Variants in PYGL observed in about 807,000 individuals in gnomAD.
PYGL encodes the protein glycogen phosphorylase L, also known as glycogen phosphorylase, liver form.
PYGL carries 90 observed loss-of-function variants against 100.1 expected under a neutral mutation model. The observed-to-expected ratio is 0.90, with a 90% CI of 0.76 to 1.07. PYGL has a LOEUF of 1.07. Among genes scored for constraint, PYGL ranks in the 50% least tolerant of loss-of-function variants. PYGL has a pLI of 0.00. For missense variants in PYGL, 1,016 were observed against 1,057.6 expected (o/e 0.96, Z 0.55); for synonymous variants, 373 against 393.0 (o/e 0.95, Z 0.60).
At position 50,934,409 on chromosome 14, in the gene PYGL, T is replaced by C. The variant is rs80355854; in HGVS notation, c.424+698A>G. ...AGGTCATGCCACACAAGGATGTGAA[T>C]TGAGAAGCTTTGAACAAATAATAGT... On this transcript the variant is annotated intron_variant, in intron 3 of 19. Coordinates refer to ENST00000216392, the MANE Select transcript of PYGL (RefSeq NM_002863.5). Among the ~76,000 whole-genome samples, 642 of 152,208 alleles carry C rather than the reference T, an allele frequency of 4.2e-3. 7 individuals carry two copies. Among genetic ancestry groups the C allele is most frequent in the African/African-American group, 0.014 (561 of 41,534 alleles).
intron 3 of PYGL, among the ~76,000 whole-genome samples, chr14:50,932,058 T>C (rs1195345389): frequency 6.6e-6 from 1 of 152,208 alleles, no homozygotes; most frequent in Non-Finnish European, 1.5e-5. Flanking sequence ...TGTGTACATT[T>C]TGTTTGAGAA....
intron 3 of PYGL, among the ~76,000 whole-genome samples, chr14:50,932,547 T>A (rs757754966): frequency 5.3e-5 from 8 of 152,210 alleles, no homozygotes; most frequent in Non-Finnish European, 1.0e-4. Flanking sequence ...CCTGCTATAC[T>A]CCTGCTGCTG....
intron 11 of PYGL, chr14:50,915,101 G>T: frequency 3.1e-6 from 2 of 637,412 alleles, no homozygotes; most frequent in South Asian, 4.0e-5. Flanking sequence ...TATTTTGTTT[G>T]TTTGTTTGTT....
chr14:50,923,896 G>A, intron 5 of PYGL, 73 bp downstream of exon 5: 2 of 1,477,338 alleles, frequency 1.4e-6, no homozygotes, highest in Non-Finnish European at 1.9e-6. Flanking sequence ...ACCACTATAT[G>A]CTACATAGTC....
chr14:50,920,817 T>C, intron 6 of PYGL, 139 bp downstream of exon 6: 1 of 1,024,826 alleles, frequency 9.8e-7, no homozygotes, highest in Admixed American at 2.0e-5. Context: ...ACTTCCTCCA[T>C]ACAATGCCTG....
At chr14:50,908,743 T>C (rs900162639) in intron 18 of PYGL, 78 bp downstream of exon 18, 25 of 1,510,900 alleles carry the variant, frequency 1.7e-5, no homozygotes, top group Non-Finnish European at 2.2e-5. Context: ...TTCTTGTTGG[T>C]TTTAGAGTTG....
chr14:50,914,890 G>GT (rs2050431556), intron 11 of PYGL, 75 bp from the exon 12 acceptor site: 1 of 1,162,648 alleles, frequency 8.6e-7, no homozygotes. Flanking sequence ...AAAGTTCGGA[G>GT]TTATATTCAA....
chr14:50,912,868 C>T (rs534586546), intron 13 of PYGL, 161 bp downstream of exon 13: 9 of 631,524 alleles, frequency 1.4e-5, no homozygotes, highest in East Asian at 3.1e-5. Flanking sequence ...GCGGGATAAT[C>T]GCTTGAACCT....
At chr14:50,920,517 A>G in intron 7 of PYGL, 24 bp downstream of exon 7, 10 of 1,585,254 alleles carry the variant, frequency 6.3e-6, no homozygotes, top group Non-Finnish European at 6.9e-6. Context: ...TGTTGCCACT[A>G]AGAAAGCAAC....
At position 50,924,391 on chromosome 14, in the gene PYGL, G is replaced by T. The variant is rs146131905; in HGVS notation, c.529-291C>A. On this transcript the variant is annotated intron_variant, in intron 4 of 19. Transcript: ENST00000216392. ...AAGATCTCAAGGTCAAACAGTAAAC[G>T]ATAGAGATAAGATCTGCCCTTAGGT... Among the ~76,000 whole-genome samples, 3 of 152,292 alleles carry T rather than the reference G, an allele frequency of 2.0e-5. No homozygotes were observed. In the South Asian group the frequency reaches 6.2e-4, roughly 32 times the overall value.
intron 2 of PYGL, among the ~76,000 whole-genome samples, chr14:50,935,836 T>C (rs1230169380): frequency 2.0e-5 from 3 of 152,240 alleles, no homozygotes; most frequent in African/African-American, 7.2e-5. Context: ...CCTGGAGACC[T>C]GGGTCCTGAC....
Position 50,912,385 on chromosome 14 carries a change from G to T in PYGL, c.1621-82C>A, listed in dbSNP as rs376262858. On this transcript the variant is annotated intron_variant, in intron 13 of 19. Transcript: ENST00000216392. ...TGGTTTTTCTTTTTTTTGAGACGGA[G>T]TCTCACTCTTTTGCCCAGGCTGGAG... The T allele has an allele frequency of 4.4e-5, 68 of 1,530,484 alleles. No individual in the cohort carries two copies. In the African/African-American group the frequency reaches 8.2e-4, roughly 18 times the overall value. The allele number at this position is 1,530,484 out of a possible 1,614,324, so 94.8% of individuals were successfully genotyped here.
intron 4 of PYGL, 60 bp downstream of exon 4, chr14:50,931,613 C>T (rs2050601321): frequency 7.0e-7 from 1 of 1,429,408 alleles, no homozygotes; most frequent in Non-Finnish European, 9.9e-7. Flanking sequence ...TATAAATCAT[C>T]CAGAGCACCA....
intron 1 of PYGL, among the ~76,000 whole-genome samples, chr14:50,938,743 C>G (rs2050678061): frequency 6.6e-6 from 1 of 152,156 alleles, no homozygotes; most frequent in African/African-American, 2.4e-5. Flanking sequence ...AGAAAAAAAG[C>G]AAACTCATCT....
chr14:50,912,568 C>T (rs557328638), intron 13 of PYGL, among the ~76,000 whole-genome samples: 3 of 152,238 alleles, frequency 2.0e-5, no homozygotes, highest in Admixed American at 6.5e-5. Flanking sequence ...GTCTTGAATG[C>T]CTGACCTCAG....
rs780227240 is a variant in PYGL at position 50,910,069 on chromosome 14, G to A, written c.2003C>T (p.Ser668Phe). 8 of 1,614,138 alleles carry A rather than the reference G, an allele frequency of 5.0e-6. No individual in the cohort carries two copies. In the Admixed American group the frequency reaches 1.0e-4, roughly 20 times the overall value. ...CCCCGAGGCTTCGGTGCCTGCAGTGGAAATCTGCTCTGACAGATCTGTGGC... is the reference window on the plus strand; with the variant it reads ...CCCCGAGGCTTCGGTGCCTGCAGTGAAAATCTGCTCTGACAGATCTGTGGC... The part of the protein sequence containing the change: ...IPATDLSEQI[S>F]TAGTEASGTG... The change falls in exon 17 of 20, where the codon TCC becomes TTC. Residue 668 changes from serine (S) to phenylalanine (F), a missense_variant. Physicochemically the swap from Ser to Phe is radical, Grantham distance 155. Transcript: ENST00000216392.
chr14:50,931,537 A>G (rs2050600721), intron 4 of PYGL, 136 bp downstream of exon 4: 1 of 767,070 alleles, frequency 1.3e-6, no homozygotes, highest in Non-Finnish European at 2.2e-6. Flanking sequence ...ATGGATAGAT[A>G]GAACTCACTG....
At chr14:50,908,113 G>A (rs1303010668) in intron 19 of PYGL, 158 bp downstream of exon 19, 13 of 463,414 alleles carry the variant, frequency 2.8e-5, no homozygotes, top group South Asian at 7.5e-5. Context: ...TTTTTTTTTT[G>A]TTGTGGTTGT....
At chr14:50,912,922 C>A in intron 13 of PYGL, 107 bp downstream of exon 13, 4 of 1,054,624 alleles carry the variant, frequency 3.8e-6, no homozygotes, top group East Asian at 2.7e-5. Context: ...CCACTGCACT[C>A]CAGCCTGGGC....
Sources: gnomAD v4.1 joint callset for allele counts (sites outside exome capture counted in the v4.1 genomes callset) on GRCh38, gnomAD v4.1.1 for gene constraint, MANE v1.5 for transcripts, NCBI Gene and HGNC (gene_info 2026-07-23, HGNC 2026-07-21) for gene names.